Variants in PPP1R3B observed in about 807,000 individuals in gnomAD.
The protein encoded by PPP1R3B is protein phosphatase 1 regulatory subunit 3B, also known as PP1 subunit R4.
PPP1R3B carries 8 observed loss-of-function variants against 14.6 expected under a neutral mutation model. The ratio of observed to expected loss-of-function variants is 0.55; its 90% CI spans 0.32 to 0.99. The LOEUF (loss-of-function observed/expected upper bound fraction) is 0.99, where lower values mean the gene tolerates loss of function less well. Ranked by LOEUF, PPP1R3B falls within the 50% of genes least tolerant of loss-of-function variation. The probability of loss-of-function intolerance (pLI) is 0.04; values close to 1 mark genes in which losing one functional copy is unlikely to be tolerated. For synonymous variants in PPP1R3B, 169 were observed against 142.0 expected, an observed-to-expected ratio of 1.19 and a Z score of -1.35; for missense variants, 452 against 360.1, an observed-to-expected ratio of 1.26 and a Z score of -2.07.
intron 1 of PPP1R3B, chr8:9,142,267 T>A (rs1233954147): frequency 2.6e-5 from 4 of 152,546 alleles, no homozygotes; most frequent in East Asian, 3.9e-4. Context: ...TGGCTAATTT[T>A]AAAAAATTTT....
Position 9,138,229 on chromosome 8 carries a change from T to C in PPP1R3B, c.*2565A>G, listed in dbSNP as rs532786872. The C allele has an allele frequency of 6.6e-6, 1 of 152,298 alleles. No homozygotes were observed. Among genetic ancestry groups the C allele is most frequent in the African/African-American group, 2.4e-5 (1 of 41,562 alleles). The allele number at this position is 152,298 out of a possible 1,614,324, so 9.4% of individuals were successfully genotyped here. On this transcript the variant is annotated 3_prime_UTR_variant, in exon 2 of 2. Transcript: ENST00000310455. ...AGTTCTGATCACCAAATTTATAACA[T>C]TTAAAGTACTGTCTGTTACCCGATG... is the stretch of plus-strand genomic sequence containing the variant.
rs1424942480 is a variant in PPP1R3B, at chr8:9,139,692, G to GCGCC, written c.*1098_*1101dup. On this transcript the variant is annotated 3_prime_UTR_variant, in exon 2 of 2. Transcript: ENST00000310455. The stretch of plus-strand genomic sequence containing the variant: ...GCCTCCCAAGTAGCTGGGACTACAG[G>GCGCC]CGCCCGCCACCACGCCTGGCTAATT... The GCGCC allele has an allele frequency of 6.6e-6, 1 of 152,212 alleles. No individual in the cohort carries two copies. The highest frequency in any genetic ancestry group is 1.5e-5 in the Non-Finnish European group (1 of 68,108). 9.4% of individuals were successfully genotyped at this position (152,212 alleles called of 1,614,324 possible).
rs1800937271 is a variant in PPP1R3B, at chr8:9,137,770, G to C, written c.*3024C>G. The C allele has an allele frequency of 6.6e-6, 1 of 152,234 alleles. No homozygotes were observed. The highest frequency in any genetic ancestry group is 1.9e-4 in the East Asian group (1 of 5,190). 9.4% of individuals were successfully genotyped at this position (152,234 alleles called of 1,614,324 possible). On this transcript the variant is annotated 3_prime_UTR_variant, in exon 2 of 2. Coordinates refer to ENST00000310455, the MANE Select transcript of PPP1R3B (RefSeq NM_024607.4). ...GTAGAGTCTTTTATTGGAGAAGAAG[G>C]GTCTTTGCGAGCAGGTGAGGACTTG...
At chr8:9,151,135 C>A (rs180937618), upstream of PPP1R3B, among the ~76,000 whole-genome samples, 284 of 152,282 alleles carry the variant, frequency 1.9e-3, no homozygotes, top group African/African-American at 6.5e-3. Flanking sequence ...GCCCGGGAGG[C>A]GCTTCCCAGC....
chr8:9,138,611 T>A lies in PPP1R3B; in HGVS notation c.*2183A>T, dbSNP rs1006809406. ...GCCACAAATGGGAGGTCTTTTCAAA[T>A]TAATCTGGAAAATCCAAGCACAAGA... On this transcript the variant is annotated 3_prime_UTR_variant, in exon 2 of 2. Transcript: ENST00000310455. 1 of 152,160 alleles carries A rather than the reference T, an allele frequency of 6.6e-6. No homozygotes were observed. Among genetic ancestry groups the A allele is most frequent in the Non-Finnish European group, 1.5e-5 (1 of 68,040 alleles). The allele number at this position is 152,160 out of a possible 1,614,324, so 9.4% of individuals were successfully genotyped here.
chr8:9,136,940 G>A lies in PPP1R3B; in HGVS notation c.*3854C>T, dbSNP rs1002435735. ...GATAAGCATATATGGCCCATTTAAT[G>A]TCCATGACTACAACTAATGCCTTTT... On this transcript the variant is annotated 3_prime_UTR_variant, in exon 2 of 2. Coordinates refer to ENST00000310455, the MANE Select transcript of PPP1R3B (RefSeq NM_024607.4). 10 of 152,168 alleles carry A rather than the reference G, an allele frequency of 6.6e-5. No individual in the cohort carries two copies. Among genetic ancestry groups the A allele is most frequent in the Non-Finnish European group, 1.3e-4 (9 of 68,028 alleles). 9.4% of individuals were successfully genotyped at this position (152,168 alleles called of 1,614,324 possible). A position where few individuals can be genotyped will look rare whatever the true frequency, so the allele number is the denominator to read the frequency against.
intron 1 of PPP1R3B, among the ~76,000 whole-genome samples, chr8:9,149,045 T>A (rs62494419): frequency 7.4e-6 from 1 of 135,120 alleles, no homozygotes; most frequent in Non-Finnish European, 1.6e-5. Flanking sequence ...AAAAAAAAAT[T>A]AGCCGGGCGT....
rs1194764235 is a variant in PPP1R3B, at chr8:9,138,788, C to T, written c.*2006G>A. On this transcript the variant is annotated 3_prime_UTR_variant, in exon 2 of 2. Transcript: ENST00000310455. ...CGTTTAACCAAACTCCAAAAACAAA[C>T]AAAAATAGAAAATAAAAAACCAACT... 6.6e-6 allele frequency: 1 copy of T among 152,094 alleles called. No homozygotes were observed. The highest frequency in any genetic ancestry group is 1.9e-4 in the East Asian group (1 of 5,196). The allele number at this position is 152,094 out of a possible 1,614,324, so 9.4% of individuals were successfully genotyped here. A position where few individuals can be genotyped will look rare whatever the true frequency, so the allele number is the denominator to read the frequency against.
At chr8:9,148,369 C>T (rs889509594) in intron 1 of PPP1R3B, among the ~76,000 whole-genome samples, 1 of 152,158 alleles carries the variant, frequency 6.6e-6, no homozygotes, top group South Asian at 2.1e-4. Flanking sequence ...GAATATGAGT[C>T]ACCAAAGTTG....
intron 1 of PPP1R3B, among the ~76,000 whole-genome samples, chr8:9,148,204 T>A (rs554808242): frequency 3.3e-4 from 51 of 152,256 alleles, no homozygotes; most frequent in African/African-American, 1.2e-3. Flanking sequence ...CAAGGTAATA[T>A]TAAGTTCCTG....
chr8:9,143,667 G>C (rs181051094), intron 1 of PPP1R3B, among the ~76,000 whole-genome samples: 2 of 152,210 alleles, frequency 1.3e-5, no homozygotes, highest in Non-Finnish European at 2.9e-5. Flanking sequence ...ACACACTCCA[G>C]CCTGGGCCAC....
chr8:9,141,387 G>T lies in PPP1R3B; in HGVS notation c.265C>A (p.Pro89Thr). ...TCTAGGAGCTCGGTGATGTTGAATG[G>T]CATATCTAGCGGGTCATCGAATTCC... ...FSEFDDPLDM[P>T]FNITELLDNI... The change falls in exon 2 of 2, where the codon CCA (proline) becomes ACA (threonine). Residue 89 changes from proline to threonine, a missense_variant. Physicochemically the swap from Pro to Thr is conservative, Grantham distance 38. Coordinates refer to ENST00000310455, the MANE Select transcript of PPP1R3B (RefSeq NM_024607.4). 1 of 1,614,216 alleles carries T rather than the reference G, an allele frequency of 6.2e-7. No homozygotes were observed. Among genetic ancestry groups the T allele is most frequent in the Non-Finnish European group, 8.5e-7 (1 of 1,180,038 alleles).
chr8:9,149,068 C>T (rs935186128), intron 1 of PPP1R3B, among the ~76,000 whole-genome samples: 3 of 149,896 alleles, frequency 2.0e-5, no homozygotes, highest in African/African-American at 7.4e-5. Flanking sequence ...CGGCGGGCGC[C>T]TGTAGTCCCA....
At chr8:9,142,560 T>C (rs894312707) in intron 1 of PPP1R3B, among the ~76,000 whole-genome samples, 2 of 152,190 alleles carry the variant, frequency 1.3e-5, no homozygotes, top group African/African-American at 4.8e-5. Context: ...TTCAAATATA[T>C]AACATATCAT....
chr8:9,148,313 GAC>G (rs1801303035), intron 1 of PPP1R3B, among the ~76,000 whole-genome samples: 1 of 152,162 alleles, frequency 6.6e-6, no homozygotes, highest in African/African-American at 2.4e-5. Flanking sequence ...CTCCTCTCCT[GAC>G]AGACTCTCTG....
rs181954405 is a variant in PPP1R3B, at chr8:9,140,055, C to A, written c.*739G>T. The A allele has an allele frequency of 6.5e-6, 1 of 152,882 alleles. No homozygotes were observed. Among genetic ancestry groups the A allele is most frequent in the East Asian group, 1.9e-4 (1 of 5,182 alleles). The allele number at this position is 152,882 out of a possible 1,614,324, so 9.5% of individuals were successfully genotyped here. On this transcript the variant is annotated 3_prime_UTR_variant, in exon 2 of 2. Coordinates refer to ENST00000310455, the MANE Select transcript of PPP1R3B (RefSeq NM_024607.4). Reference sequence around the variant, plus strand: ...GAACCCTGCAATCTGTGACACCGCACAGGAGCCAGTGGGTTTTGATGACTG... The same window carrying A: ...GAACCCTGCAATCTGTGACACCGCAAAGGAGCCAGTGGGTTTTGATGACTG...
At chr8:9,142,545 C>A (rs1801121620) in intron 1 of PPP1R3B, among the ~76,000 whole-genome samples, 1 of 152,128 alleles carries the variant, frequency 6.6e-6, no homozygotes, top group Non-Finnish European at 1.5e-5. Context: ...CCACTCTCAG[C>A]AATTTTCAAA....
chr8:9,151,015 T>G (rs549423668), upstream of PPP1R3B, among the ~76,000 whole-genome samples: 1 of 152,140 alleles, frequency 6.6e-6, no homozygotes, highest in African/African-American at 2.4e-5. Flanking sequence ...GGCTGGGAAC[T>G]TGTGCTAGTT....
rs1308136357 is a variant in PPP1R3B at position 9,139,124 on chromosome 8, G to T, written c.*1670C>A. 2 of 152,182 alleles carry T rather than the reference G, an allele frequency of 1.3e-5. No homozygotes were observed. The highest frequency in any genetic ancestry group is 1.9e-4 in the East Asian group (1 of 5,188). The allele number at this position is 152,182 out of a possible 1,614,324, so 9.4% of individuals were successfully genotyped here. ...GTACAGACGAGGTTTCACCATGTTG[G>T]CCAGGCTGGTCTTGAACGCCTGACC... is the stretch of plus-strand genomic sequence containing the variant. On this transcript the variant is annotated 3_prime_UTR_variant, in exon 2 of 2. Transcript: ENST00000310455.
Sources: allele counts gnomAD v4.1 joint callset (sites outside exome capture counted in the v4.1 genomes callset), GRCh38; gene constraint gnomAD v4.1.1; transcripts MANE v1.5; gene names NCBI Gene and HGNC (gene_info 2026-07-23, HGNC 2026-07-21).